The following BLNK variants were observed in gnomAD, a reference collection of about 807,000 sequenced individuals.
The protein encoded by BLNK is B-cell linker protein.
Under a neutral mutation model 73.5 loss-of-function variants are expected in BLNK, and 29 were observed. That is an observed-to-expected ratio of 0.39 (90% CI 0.29 to 0.54). The LOEUF (loss-of-function observed/expected upper bound fraction) is 0.54, where lower values mean the gene tolerates loss of function less well. Ranked by LOEUF, BLNK falls within the 20% of genes least tolerant of loss-of-function variation. The pLI, the probability that BLNK is intolerant of heterozygous loss-of-function variation, is 0.61. For missense variants in BLNK, 460 were observed against 562.8 expected (o/e 0.82, Z 1.85); for synonymous variants, 176 against 200.8 (o/e 0.88, Z 1.04).
At chr10:96,271,057 A>G (rs543846576) in intron 1 of BLNK, among the ~76,000 whole-genome samples, 1 of 152,338 alleles carries the variant, frequency 6.6e-6, no homozygotes, top group East Asian at 1.9e-4. Context: ...CTTCAGTAGA[A>G]TCTAAGCCCT....
intron 2 of BLNK, among the ~76,000 whole-genome samples, chr10:96,246,013 A>G (rs1441303823): frequency 6.6e-6 from 1 of 152,112 alleles, no homozygotes; most frequent in Non-Finnish European, 1.5e-5. Context: ...TTAAAGACTT[A>G]ACAGAATACC....
chr10:96,195,657 A>G (rs2083446966), intron 16 of BLNK, among the ~76,000 whole-genome samples: 1 of 152,138 alleles, frequency 6.6e-6, no homozygotes, highest in African/African-American at 2.4e-5. Flanking sequence ...AGGGAGGGGG[A>G]AAAGGGAAAC....
At chr10:96,225,613 AAC>A (rs1247029804) in intron 5 of BLNK, among the ~76,000 whole-genome samples, 25 of 152,038 alleles carry the variant, frequency 1.6e-4, no homozygotes, top group African/African-American at 5.6e-4. Context: ...GAAGTAGCAA[AAC>A]ACAGGAGACA....
In BLNK at chr10:96,200,389, T is replaced by C. The variant is rs1005675000; in HGVS notation, c.1012-231A>G. ...TAGCTAGGTTCCTGAATTATTTCTT[T>C]CTTTCTCCTAAATAAGTAATAATCC... On this transcript the variant is annotated intron_variant, in intron 14 of 16. Transcript: ENST00000224337. The surrounding 1 kb of genome is among the most constrained non-coding windows in gnomAD (Gnocchi z 4.3). Among the ~76,000 whole-genome samples the C allele has an allele frequency of 3.3e-5, 5 of 152,254 alleles. No homozygotes were observed. Among genetic ancestry groups the C allele is most frequent in the African/African-American group, 1.2e-4 (5 of 41,466 alleles).
chr10:96,243,778 G>A (rs902158524), intron 2 of BLNK, among the ~76,000 whole-genome samples: 2 of 152,042 alleles, frequency 1.3e-5, no homozygotes, highest in Non-Finnish European at 2.9e-5. Context: ...AGTTTTGTAA[G>A]TTCTGATACC....
Position 96,189,816 on chromosome 10 carries a change from A to C in BLNK, c.*2157T>G, listed in dbSNP as rs11188656. On this transcript the variant is annotated 3_prime_UTR_variant, in exon 17 of 17. Coordinates refer to ENST00000224337, the MANE Select transcript of BLNK (RefSeq NM_013314.4). The stretch of plus-strand genomic sequence containing the variant: ...ACAGATCACTTTCCAGATATCCTTA[A>C]GAGTTTCACATCCTCCTCCTCTTCA... The C allele has an allele frequency of 0.26, 301,637 of 1,147,036 alleles. 45,231 individuals carry two copies. Among genetic ancestry groups the C allele is most frequent in the Admixed American group, 0.32 (18,612 of 58,310 alleles). 71.1% of individuals were successfully genotyped at this position (1,147,036 alleles called of 1,614,324 possible). A position where few individuals can be genotyped will look rare whatever the true frequency, so the allele number is the denominator to read the frequency against.
intron 8 of BLNK, among the ~76,000 whole-genome samples, chr10:96,211,170 T>C (rs373585937): frequency 7.9e-5 from 12 of 152,246 alleles, no homozygotes; most frequent in South Asian, 2.1e-4. Context: ...GGCCTATAAT[T>C]CCTAATGGAT....
rs587674997 is a variant in BLNK, at chr10:96,225,545, T to C, written c.362-1556A>G. Among the ~76,000 whole-genome samples the C allele has an allele frequency of 5.9e-5, 9 of 152,326 alleles. No homozygotes were observed. The East Asian group carries it at 1.7e-3, about 29-fold the overall frequency. On this transcript the variant is annotated intron_variant, in intron 5 of 16. Transcript: ENST00000224337. Reference sequence around the variant, plus strand: ...TCTTGTCAGTTTTATTTGCAGCTCCTGGAGTTTACTCAGATTTCTGAGTAA... The same window carrying C: ...TCTTGTCAGTTTTATTTGCAGCTCCCGGAGTTTACTCAGATTTCTGAGTAA...
intron 6 of BLNK, among the ~76,000 whole-genome samples, chr10:96,217,413 T>G: frequency 6.6e-6 from 1 of 152,216 alleles, no homozygotes; most frequent in Admixed American, 6.5e-5. Context: ...GCTGCACCAT[T>G]TTTCATTCCT....
intron 3 of BLNK, among the ~76,000 whole-genome samples, chr10:96,236,295 G>A (rs1327338473): frequency 6.6e-6 from 1 of 152,164 alleles, no homozygotes; most frequent in Non-Finnish European, 1.5e-5. Flanking sequence ...CCAGTGGGAA[G>A]ACCGCAGCAG....
intron 5 of BLNK, among the ~76,000 whole-genome samples, chr10:96,226,193 T>C (rs587769680): frequency 2.0e-4 from 30 of 152,304 alleles, no homozygotes; most frequent in Middle Eastern, 3.4e-3. Flanking sequence ...GGAGGTTAAG[T>C]AGACCCCCAG....
chr10:96,250,367 G>T (rs1843228958), intron 1 of BLNK, among the ~76,000 whole-genome samples: 1 of 151,764 alleles, frequency 6.6e-6, no homozygotes, highest in Non-Finnish European at 1.5e-5. Flanking sequence ...TGAAAATAAG[G>T]GGTCTGGCAG....
At chr10:96,192,185 A>C in intron 16 of BLNK, 93 bp from the exon 17 acceptor site, 1 of 1,538,062 alleles carries the variant, frequency 6.5e-7, no homozygotes, top group Non-Finnish European at 8.9e-7. Context: ...CAAGTTAGTA[A>C]AAGTTATTAC....
Position 96,200,587 on chromosome 10 carries a change from T to C in BLNK, c.1011+395A>G, listed in dbSNP as rs1554895872. On this transcript the variant is annotated intron_variant, in intron 14 of 16. Coordinates refer to ENST00000224337, the MANE Select transcript of BLNK (RefSeq NM_013314.4). This position sits in a 1 kb window ranked among gnomAD's most constrained non-coding sequence, Gnocchi z 4.3. ...TTTTACATTTTTACATATATTTGTA[T>C]GGAAACTTAGAAAGACTTGCCCAAG... Among the ~76,000 whole-genome samples, 7 of 152,268 alleles carry C rather than the reference T, an allele frequency of 4.6e-5. No homozygotes were observed.
intron 3 of BLNK, chr10:96,238,795 G>T (rs1842787177): frequency 4.5e-6 from 1 of 222,540 alleles, no homozygotes; most frequent in Admixed American, 5.8e-5. Context: ...GCATTTCCGA[G>T]ACCCTGGAAC....
rs1554902771 is a variant in BLNK at position 96,227,443 on chromosome 10, G to C, written c.328C>G (p.Pro110Ala). 8 of 1,614,068 alleles carry C rather than the reference G, an allele frequency of 5.0e-6. No homozygotes were observed. The highest frequency in any genetic ancestry group is 2.2e-5 in the South Asian group (2 of 91,096). ...TCGCCTCTGGCGAAGGGCAGGGCTGGGTGAACCGGCCTGGTTTCCTGCTCT... is the reference window on the plus strand; with the variant it reads ...TCGCCTCTGGCGAAGGGCAGGGCTGCGTGAACCGGCCTGGTTTCCTGCTCT... ...PVEQETRPVH[P>A]ALPFARGEYI... The change falls in exon 5 of 17, where the codon CCA (proline) becomes GCA (alanine). Residue 110 changes from proline to alanine, a missense_variant. By Grantham distance (27) the Pro-to-Ala change is conservative. This residue lies in a region of BLNK where 139 missense variants were observed against 187.3 expected (regional missense o/e 0.74). Coordinates refer to ENST00000224337, the MANE Select transcript of BLNK (RefSeq NM_013314.4).
At chr10:96,206,297 A>G (rs979905988) in intron 11 of BLNK, among the ~76,000 whole-genome samples, 9 of 152,198 alleles carry the variant, frequency 5.9e-5, no homozygotes, top group African/African-American at 2.2e-4. Flanking sequence ...GAACTTCTAT[A>G]TAATGTTTTA....
Position 96,253,388 on chromosome 10 carries a change from GC to G in BLNK, c.48-6340del, listed in dbSNP as rs1843368810. 5.3e-5 allele frequency among the ~76,000 whole-genome samples: 8 copies of G among 152,302 alleles called. No individual in the cohort carries two copies. In the South Asian group the frequency reaches 1.7e-3, roughly 32 times the overall value. ...ACATGGCAATCTGAGACCAGGAGAA[GC>G]AAAGGCTGTGTGAGAATAAGTGCCG... On this transcript the variant is annotated intron_variant, in intron 1 of 16. Transcript: ENST00000224337.
In BLNK at chr10:96,189,722, C is replaced by G; in HGVS notation, c.*2251G>C. 1.4e-6 allele frequency: 1 copy of G among 721,090 alleles called. No individual in the cohort carries two copies. Among genetic ancestry groups the G allele is most frequent in the Non-Finnish European group, 2.5e-6 (1 of 392,644 alleles). The allele number at this position is 721,090 out of a possible 1,614,324, so 44.7% of individuals were successfully genotyped here. ...AAATCATCATCATCATCATCATCATCATCATCATCATCTTCATCAGCAGCA... is the reference window on the plus strand; with the variant it reads ...AAATCATCATCATCATCATCATCATGATCATCATCATCTTCATCAGCAGCA... On this transcript the variant is annotated 3_prime_UTR_variant, in exon 17 of 17. Coordinates refer to ENST00000224337, the MANE Select transcript of BLNK (RefSeq NM_013314.4).
Sources: gnomAD v4.1 joint callset for allele counts (sites outside exome capture counted in the v4.1 genomes callset) on GRCh38, gnomAD v4.1.1 for gene constraint, gnomAD v4.1.1 regional missense constraint, Gnocchi (gnomAD v3.1) non-coding constraint, MANE v1.5 for transcripts, NCBI Gene and HGNC (gene_info 2026-07-23, HGNC 2026-07-21) for gene names.